Variants in GRIK3 observed in about 807,000 individuals in gnomAD.
The protein encoded by GRIK3 is glutamate receptor ionotropic, kainate 3.
Under a neutral mutation model 102.5 loss-of-function variants are expected in GRIK3, and 29 were observed. The ratio of observed to expected loss-of-function variants is 0.28; its 90% CI spans 0.21 to 0.39. The LOEUF is 0.39. GRIK3 is among the 10% of genes least tolerant of loss of function. GRIK3 has a pLI of 1.00. For missense variants in GRIK3, 908 were observed against 1,252.4 expected, an observed-to-expected ratio of 0.73 and a Z score of 4.15; for synonymous variants, 511 against 504.9, an observed-to-expected ratio of 1.01 and a Z score of -0.16.
At chr1:37,005,777 A>C (rs1201598206) in intron 1 of GRIK3, among the ~76,000 whole-genome samples, 1 of 152,208 alleles carries the variant, frequency 6.6e-6, no homozygotes, top group Non-Finnish European at 1.5e-5. Flanking sequence ...GGCACTGGGC[A>C]ACCTGGAATA....
intron 1 of GRIK3, among the ~76,000 whole-genome samples, chr1:36,922,713 A>G (rs1480948003): frequency 6.6e-6 from 1 of 152,158 alleles, no homozygotes; most frequent in Non-Finnish European, 1.5e-5. Context: ...CTGAATCCTC[A>G]AAATATCCAA....
intron 1 of GRIK3, among the ~76,000 whole-genome samples, chr1:36,905,137 T>C (rs887961370): frequency 6.6e-6 from 1 of 151,974 alleles, no homozygotes; most frequent in African/African-American, 2.4e-5. Flanking sequence ...AAAGAGACCC[T>C]ACTCACAAAA....
At chr1:36,989,840 G>A (rs898965219) in intron 1 of GRIK3, among the ~76,000 whole-genome samples, 4 of 152,306 alleles carry the variant, frequency 2.6e-5, no homozygotes, top group Middle Eastern at 3.4e-3. Flanking sequence ...ACAATACAGT[G>A]ATAACCGTAC....
intron 1 of GRIK3, among the ~76,000 whole-genome samples, chr1:37,011,021 G>A (rs1263500815): frequency 6.6e-6 from 1 of 152,154 alleles, no homozygotes; most frequent in Admixed American, 6.5e-5. Context: ...GATTACAGGC[G>A]TGAGCCACCA....
intron 5 of GRIK3, among the ~76,000 whole-genome samples, chr1:36,867,735 T>C (rs1640800722): frequency 6.6e-6 from 1 of 152,126 alleles, no homozygotes. Context: ...AAAATCTTCC[T>C]ATCTCCTTCA....
chr1:36,988,409 C>T (rs1384559332), intron 1 of GRIK3, among the ~76,000 whole-genome samples: 1 of 152,246 alleles, frequency 6.6e-6, no homozygotes, highest in Non-Finnish European at 1.5e-5. Flanking sequence ...GCCCTCCCAT[C>T]TCTGGGGCAG....
At chr1:36,843,756 C>T (rs967506153) in intron 9 of GRIK3, among the ~76,000 whole-genome samples, 4 of 152,180 alleles carry the variant, frequency 2.6e-5, no homozygotes, top group African/African-American at 9.7e-5. Context: ...TTTCTGTCAG[C>T]CAAACGTCCC....
Position 37,033,010 on chromosome 1 carries a change from G to A in GRIK3, c.115+984C>T, listed in dbSNP as rs551336477. Among the ~76,000 whole-genome samples the A allele has an allele frequency of 2.2e-4, 33 of 152,320 alleles. No individual in the cohort carries two copies. In the South Asian group the frequency reaches 6.0e-3, roughly 28 times the overall value. ...TGGTGCTGGCGCCGAGTGAACCCAG[G>A]CGGCCCAGGTGTCCGGCCTGGTGGC... On this transcript the variant is annotated intron_variant, in intron 1 of 15. Coordinates refer to ENST00000373091, the MANE Select transcript of GRIK3 (RefSeq NM_000831.4).
At chr1:37,021,989 T>C (rs896864845) in intron 1 of GRIK3, among the ~76,000 whole-genome samples, 1 of 152,222 alleles carries the variant, frequency 6.6e-6, no homozygotes, top group African/African-American at 2.4e-5. Flanking sequence ...CAAACTTCCA[T>C]ATGGTCATCT....
chr1:36,946,325 C>A (rs1641784519), intron 1 of GRIK3, among the ~76,000 whole-genome samples: 1 of 152,196 alleles, frequency 6.6e-6, no homozygotes, highest in South Asian at 2.1e-4. Flanking sequence ...GGGGTCCTGG[C>A]CTTTGGGCAA....
chr1:36,842,284 T>A (rs1287996163), intron 9 of GRIK3, among the ~76,000 whole-genome samples: 2 of 152,166 alleles, frequency 1.3e-5, no homozygotes, highest in Non-Finnish European at 2.9e-5. Context: ...AGGCTCAGCG[T>A]GTGGTCCCTG....
intron 1 of GRIK3, among the ~76,000 whole-genome samples, chr1:36,911,900 G>A (rs374562889): frequency 1.4e-4 from 22 of 152,174 alleles, no homozygotes; most frequent in East Asian, 9.7e-4. Context: ...AGACACTGGC[G>A]GGGCTGTCCC....
intron 9 of GRIK3, among the ~76,000 whole-genome samples, chr1:36,848,712 C>T (rs560218090): frequency 1.3e-5 from 2 of 150,844 alleles, no homozygotes; most frequent in South Asian, 4.2e-4. Context: ...CTTTAATTGC[C>T]CATTAGTCTT....
At chr1:37,009,743 A>T (rs932873691) in intron 1 of GRIK3, among the ~76,000 whole-genome samples, 1 of 152,184 alleles carries the variant, frequency 6.6e-6, no homozygotes, top group East Asian at 1.9e-4. Context: ...TCCATAATGC[A>T]TCGCATCATA....
intron 10 of GRIK3, among the ~76,000 whole-genome samples, chr1:36,831,050 A>G (rs1640285665): frequency 6.6e-6 from 1 of 152,146 alleles, no homozygotes; most frequent in South Asian, 2.1e-4. Flanking sequence ...CTGGCAGTTC[A>G]TGGCCATTTG....
intron 1 of GRIK3, among the ~76,000 whole-genome samples, chr1:36,911,748 C>T (rs1641347739): frequency 6.6e-6 from 1 of 152,034 alleles, no homozygotes; most frequent in Non-Finnish European, 1.5e-5. Context: ...GAGGGATGGG[C>T]TGTCATCAGG....
At chr1:36,887,744 G>A (rs1641055496) in intron 2 of GRIK3, among the ~76,000 whole-genome samples, 2 of 132,356 alleles carry the variant, frequency 1.5e-5, no homozygotes, top group Admixed American at 7.4e-5. Context: ...CAACAAGAGT[G>A]AAATTCCATC....
chr1:36,825,931 C>G, intron 10 of GRIK3, 105 bp from the exon 11 acceptor site: 3 of 796,122 alleles, frequency 3.8e-6, no homozygotes, highest in Non-Finnish European at 6.0e-6. Context: ...GTCAGTTGTC[C>G]CAGCCCCAGG....
In GRIK3 at chr1:36,884,455, G is replaced by A. The variant is rs752197114; in HGVS notation, c.293-3564C>T. ...TCTGGGGGTGTTGCATATCTTCCCC[G>A]ACAACCTTGTCCCCTTCAGATTAGG... On this transcript the variant is annotated intron_variant, in intron 2 of 15. Coordinates refer to ENST00000373091, the MANE Select transcript of GRIK3 (RefSeq NM_000831.4). Among the ~76,000 whole-genome samples the A allele has an allele frequency of 3.0e-4, 45 of 152,034 alleles. 1 individual carries two copies. The highest frequency in any genetic ancestry group is 1.4e-4 in the African/African-American group (6 of 41,380).
Sources: gnomAD v4.1 joint callset for allele counts (sites outside exome capture counted in the v4.1 genomes callset) on GRCh38, gnomAD v4.1.1 for gene constraint, MANE v1.5 for transcripts, NCBI Gene and HGNC (gene_info 2026-07-23, HGNC 2026-07-21) for gene names.